The following CEP192 variants were observed in gnomAD, a reference collection of about 807,000 sequenced individuals.
CEP192 encodes centrosomal protein of 192 kDa.
A neutral mutation model predicts 271.8 loss-of-function variants in CEP192; 151 were observed. That is an observed-to-expected ratio of 0.56 (90% CI 0.49 to 0.64). The LOEUF (loss-of-function observed/expected upper bound fraction) is 0.64, where lower values mean the gene tolerates loss of function less well. Ranked by LOEUF, CEP192 falls within the 30% of genes least tolerant of loss-of-function variation. CEP192 has a pLI of 0.00. For missense variants in CEP192, 2,910 were observed against 3,020.5 expected (o/e 0.96, Z 0.86); for synonymous variants, 995 against 1,076.5 (o/e 0.92, Z 1.48).
In CEP192 at chr18:13,124,417, G is replaced by A. The variant is rs374606478; in HGVS notation, c.7476-215G>A. 10 of 414,534 alleles carry A rather than the reference G, an allele frequency of 2.4e-5. No homozygotes were observed. In the South Asian group the frequency reaches 3.8e-4, roughly 16 times the overall value. The allele number at this position is 414,534 out of a possible 1,614,324, so 25.7% of individuals were successfully genotyped here. A position where few individuals can be genotyped will look rare whatever the true frequency, so the allele number is the denominator to read the frequency against. ...TTACTGGATAGCCAGGAATACATAC[G>A]TATGCAATACTGTTTTAATCCAATT... On this transcript the variant is annotated intron_variant, in intron 44 of 44. Transcript: ENST00000506447.
At chr18:13,037,386 T>C (rs1316271572) in intron 12 of CEP192, 85 bp downstream of exon 12, 4 of 620,658 alleles carry the variant, frequency 6.4e-6, no homozygotes, top group Non-Finnish European at 1.1e-5. Context: ...TCTTTCTGAA[T>C]ATATGGTTAG....
Position 13,038,399 on chromosome 18 carries a change from G to T in CEP192, c.1629G>T (p.Ser543=), listed in dbSNP as rs962396010. The T allele has an allele frequency of 6.4e-6, 10 of 1,551,392 alleles. No homozygotes were observed. The highest frequency in any genetic ancestry group is 4.9e-5 in the East Asian group (2 of 40,930). ...QEENIDAHNT[S]VALGDTSWGA... is the part of the protein sequence containing the mutation. The stretch of plus-strand genomic sequence containing the variant: ...AAAACATAGATGCTCATAATACTTC[G>T]GTTGCACTGGGCGATACGTCCTGGG... Residue 543 remains serine (S), a synonymous_variant, in exon 13 of 45, where the codon TCG becomes TCT. Transcript: ENST00000506447.
chr18:13,037,345 T>C (rs1427896060), intron 12 of CEP192, 44 bp downstream of exon 12: 3 of 825,772 alleles, frequency 3.6e-6, no homozygotes, highest in Non-Finnish European at 4.0e-6. Flanking sequence ...ATTTTTCCTG[T>C]ATTAGTGTAA....
chr18:13,087,073 A>G lies in CEP192; in HGVS notation c.5673A>G (p.Lys1891=). 6.2e-7 allele frequency: 1 copy of G among 1,613,390 alleles called. No homozygotes were observed. Among genetic ancestry groups the G allele is most frequent in the East Asian group, 2.2e-5 (1 of 44,866 alleles). The change falls in exon 31 of 45, where the codon AAA becomes AAG. Residue 1891 remains lysine (K), a synonymous_variant. Coordinates refer to ENST00000506447, the MANE Select transcript of CEP192 (RefSeq NM_032142.4). ...TSNLILEGVK[K]LSDSYMVTVN... is the part of the protein sequence containing the mutation. ...ATCTTATTTTGGAAGGCGTTAAAAA[A>G]TTATCTGACAGTTACATGGTAACAG... is the stretch of plus-strand genomic sequence containing the variant.
At chr18:13,108,502 A>G (rs2040059871) in intron 40 of CEP192, among the ~76,000 whole-genome samples, 1 of 152,242 alleles carries the variant, frequency 6.6e-6, no homozygotes. Context: ...AAAGACATGA[A>G]CAGACACTTC....
intron 43 of CEP192, among the ~76,000 whole-genome samples, chr18:13,116,946 G>C (rs2040461770): frequency 6.6e-6 from 1 of 152,102 alleles, no homozygotes; most frequent in African/African-American, 2.4e-5. Context: ...TATAAGGCCA[G>C]GTGCAGTGAC....
intron 43 of CEP192, among the ~76,000 whole-genome samples, chr18:13,117,329 ACTTTTT>A (rs972176458): frequency 9.9e-5 from 15 of 152,198 alleles, no homozygotes; most frequent in African/African-American, 3.1e-4. Flanking sequence ...TTAATTTTTA[ACTTTTT>A]CTTTTTCTTC....
intron 40 of CEP192, among the ~76,000 whole-genome samples, chr18:13,107,897 AAATACT>A (rs2040029140): frequency 6.6e-6 from 1 of 151,936 alleles, no homozygotes; most frequent in Non-Finnish European, 1.5e-5. Flanking sequence ...AAAAAAAAAA[AAATACT>A]ATAAGGCTAC....
rs2037908670 is a variant in CEP192 at position 13,069,722 on chromosome 18, A to G, written c.5056-16A>G. 7.2e-7 allele frequency: 1 copy of G among 1,397,404 alleles called. No homozygotes were observed. The highest frequency in any genetic ancestry group is 1.5e-5 in the African/African-American group (1 of 68,406). 86.6% of individuals were successfully genotyped at this position (1,397,404 alleles called of 1,614,324 possible). Reference sequence around the variant, plus strand: ...TGTAAGTCGGCATTCAATTATGATTATGTAACTATATTTAGGTCCCAGAAC... The same window carrying G: ...TGTAAGTCGGCATTCAATTATGATTGTGTAACTATATTTAGGTCCCAGAAC... On this transcript the variant is annotated splice_polypyrimidine_tract_variant and intron_variant, in intron 26 of 44. Coordinates refer to ENST00000506447, the MANE Select transcript of CEP192 (RefSeq NM_032142.4).
intron 21 of CEP192, among the ~76,000 whole-genome samples, chr18:13,063,820 A>ATT (rs111552814): frequency 0.014 from 1,908 of 134,524 alleles, 48 homozygotes; most frequent in African/African-American, 0.046. Flanking sequence ...ATTTTCCCCA[A>ATT]TTTTTTTTTT....
rs536937508 is a variant in CEP192, at chr18:13,029,136, A to G, written c.1051-527A>G. Among the ~76,000 whole-genome samples the G allele has an allele frequency of 1.1e-4, 16 of 152,284 alleles. 2 individuals are homozygous for G. The South Asian group carries it at 3.3e-3, about 32-fold the overall frequency. On this transcript the variant is annotated intron_variant, in intron 9 of 44. Transcript: ENST00000506447. ...ATTTTAGGAAGGAATAAGAAGTGCC[A>G]CTTGGAAAAATGTTTTGGAGAGCAT... is the stretch of plus-strand genomic sequence containing the variant.
rs1255619700 is a variant in CEP192, at chr18:13,068,385, T to C, written c.4785T>C (p.Val1595=). The change falls in exon 24 of 45, where the codon GTT becomes GTC. Residue 1595 remains valine (V), a synonymous_variant. Transcript: ENST00000506447. ...ATCCAGAATTTCTGATGATTTGGGTTCTTTTCCATAGTCCAAAGAAACAGA... is the reference window on the plus strand; with the variant it reads ...ATCCAGAATTTCTGATGATTTGGGTCCTTTTCCATAGTCCAAAGAAACAGA... ...GQDPEFLMIW[V]LFHSPKKQIS... The C allele has an allele frequency of 1.9e-6, 3 of 1,612,828 alleles. No individual in the cohort carries two copies. In the African/African-American group the frequency reaches 4.0e-5, roughly 22 times the overall value.
Position 13,055,768 on chromosome 18 carries a change from T to A in CEP192, c.3190-12T>A. On this transcript the variant is annotated splice_polypyrimidine_tract_variant and intron_variant, in intron 18 of 44. Transcript: ENST00000506447. ...TCTGTGGATTATTAAAAACAAATTTTGTTGCACTCAGAGTGATATCACCAG... is the reference window on the plus strand; with the variant it reads ...TCTGTGGATTATTAAAAACAAATTTAGTTGCACTCAGAGTGATATCACCAG... 1 of 1,515,196 alleles carries A rather than the reference T, an allele frequency of 6.6e-7. No homozygotes were observed. The highest frequency in any genetic ancestry group is 8.8e-7 in the Non-Finnish European group (1 of 1,132,402). 93.9% of individuals were successfully genotyped at this position (1,515,196 alleles called of 1,614,324 possible).
chr18:13,072,805 T>TA lies in CEP192; in HGVS notation c.5400dup (p.Arg1801ThrfsTer5). ...AATTCTGCATCTACAACTCAACATT[T>TA]ACGACTGCTTATTAGAGGACAAGAT... is the stretch of plus-strand genomic sequence containing the variant. On this transcript the variant is annotated frameshift_variant, in exon 29 of 45. Transcript: ENST00000506447. LOFTEE classifies it high-confidence loss of function. 1.2e-6 allele frequency: 2 copies of TA among 1,613,198 alleles called. No homozygotes were observed. Among genetic ancestry groups the TA allele is most frequent in the Non-Finnish European group, 1.7e-6 (2 of 1,179,086 alleles).
At chr18:13,083,943 G>GT (rs915259666) in intron 30 of CEP192, among the ~76,000 whole-genome samples, 9 of 152,194 alleles carry the variant, frequency 5.9e-5, no homozygotes, top group Admixed American at 6.5e-5. Context: ...GGTATCATCA[G>GT]TGGAGGCTGC....
At chr18:13,096,713 G>A (rs943755920) in intron 36 of CEP192, among the ~76,000 whole-genome samples, 48 of 152,342 alleles carry the variant, frequency 3.2e-4, no homozygotes, top group African/African-American at 1.1e-3. Context: ...GGTTTGGGTT[G>A]TGTGTTCTGC....
At position 12,993,902 on chromosome 18, in the gene CEP192, C is replaced by T. The variant is rs577052588; in HGVS notation, c.-5+2465C>T. Among the ~76,000 whole-genome samples, 19 of 152,284 alleles carry T rather than the reference C, an allele frequency of 1.2e-4. No homozygotes were observed. In the South Asian group the frequency reaches 3.5e-3, roughly 28 times the overall value. Reference sequence around the variant, plus strand: ...GGGTTATAGATTCTTTCTTAAAACTCGTTTTTTCAATTTGTATTTCCAGTT... The same window carrying T: ...GGGTTATAGATTCTTTCTTAAAACTTGTTTTTTCAATTTGTATTTCCAGTT... On this transcript the variant is annotated intron_variant, in intron 1 of 44. Coordinates refer to ENST00000506447, the MANE Select transcript of CEP192 (RefSeq NM_032142.4).
intron 1 of CEP192, among the ~76,000 whole-genome samples, chr18:12,997,253 ATAT>A (rs2033308604): frequency 6.6e-6 from 1 of 152,038 alleles, no homozygotes; most frequent in Non-Finnish European, 1.5e-5. Flanking sequence ...TGAGGAGGAT[ATAT>A]TATTTAGGTG....
rs554692622 is a variant in CEP192, at chr18:13,000,054, C to T, written c.164+466C>T. Among the ~76,000 whole-genome samples, 7 of 139,114 alleles carry T rather than the reference C, an allele frequency of 5.0e-5. No individual in the cohort carries two copies. The South Asian group carries it at 1.6e-3, about 31-fold the overall frequency. The allele number at this position is 139,114 out of a possible 152,430, so 91.3% of individuals were successfully genotyped here. A position where few individuals can be genotyped will look rare whatever the true frequency, so the allele number is the denominator to read the frequency against. Reference sequence around the variant, plus strand: ...ATCAGGACTTGGGTTTTTGTCATCCCACTCTATTTCTCTCTGTATAACTCA... The same window carrying T: ...ATCAGGACTTGGGTTTTTGTCATCCTACTCTATTTCTCTCTGTATAACTCA... On this transcript the variant is annotated intron_variant, in intron 2 of 44. Transcript: ENST00000506447.
Sources: allele counts gnomAD v4.1 joint callset (sites outside exome capture counted in the v4.1 genomes callset), GRCh38; gene constraint gnomAD v4.1.1; transcripts MANE v1.5; gene names NCBI Gene and HGNC (gene_info 2026-07-23, HGNC 2026-07-21).